ANO6: variants seen among roughly 807,000 people sequenced by gnomAD.
The protein encoded by ANO6 is anoctamin-6.
ANO6 carries 106 observed loss-of-function variants against 117.5 expected under a neutral mutation model. That is an observed-to-expected ratio of 0.90 (90% CI 0.77 to 1.06). The LOEUF (loss-of-function observed/expected upper bound fraction) is 1.06. Ranked by LOEUF, ANO6 falls within the 50% of genes least tolerant of loss-of-function variation. The pLI is 0.00. For missense variants in ANO6, 955 were observed against 1,121.1 expected (o/e 0.85, Z 2.12); for synonymous variants, 367 against 385.1 (o/e 0.95, Z 0.55).
chr12:45,439,674 G>A lies in ANO6; in HGVS notation c.2527-1G>A. On this transcript the variant is annotated splice_acceptor_variant, in intron 19 of 19. Transcript: ENST00000425752. LOFTEE classifies it high-confidence loss of function. ...TTTTTTTTTTTTTTTTTTTGAGACA[G>A]TATCTCGCTTTGTTGCCCAGGCTGG... The A allele has an allele frequency of 1.9e-6, 2 of 1,073,302 alleles. No homozygotes were observed. Among genetic ancestry groups the A allele is most frequent in the Non-Finnish European group, 1.2e-6 (1 of 838,074 alleles). 66.5% of individuals were successfully genotyped at this position (1,073,302 alleles called of 1,614,324 possible). A position where few individuals can be genotyped will look rare whatever the true frequency, so the allele number is the denominator to read the frequency against.
chr12:45,216,451 G>C (rs1352461959), intron 1 of ANO6, 60 bp downstream of exon 1: 12 of 1,573,146 alleles, frequency 7.6e-6, no homozygotes, highest in African/African-American at 1.4e-5. Context: ...GAAGAAGTTC[G>C]GGGACTGCGC....
intron 19 of ANO6, 62 bp from the exon 20 acceptor site, chr12:45,429,043 A>T: frequency 6.3e-7 from 1 of 1,582,878 alleles, no homozygotes; most frequent in Non-Finnish European, 8.6e-7. Context: ...GCAAGAATGA[A>T]AGGAACTCGG....
At chr12:45,317,136 T>TATATATATGTATATATATATA (rs1940070455) in intron 2 of ANO6, among the ~76,000 whole-genome samples, 2 of 108,954 alleles carry the variant, frequency 1.8e-5, no homozygotes, top group Non-Finnish European at 2.1e-5. Flanking sequence ...TATATATTTA[T>TATATATATGTATATATATATA]TATACTTTAA....
chr12:45,407,391 G>A (rs1172659064), intron 15 of ANO6, among the ~76,000 whole-genome samples: 1 of 140,908 alleles, frequency 7.1e-6, no homozygotes, highest in Non-Finnish European at 1.5e-5. Context: ...GCAAAGCAAA[G>A]TATAAACAAA....
chr12:45,216,402 G>C lies in ANO6; in HGVS notation c.70+11G>C. The C allele has an allele frequency of 6.2e-7, 1 of 1,609,396 alleles. No individual in the cohort carries two copies. The highest frequency in any genetic ancestry group is 8.5e-7 in the Non-Finnish European group (1 of 1,178,244). On this transcript the variant is annotated intron_variant, in intron 1 of 19. Transcript: ENST00000320560. ...ACGATGGGGATATCGGTGAGCGAGG[G>C]GTCCCCGCGTCCCCACCCGAGAGCC...
chr12:45,332,090 C>G (rs1009832242), intron 3 of ANO6, among the ~76,000 whole-genome samples: 6 of 152,010 alleles, frequency 3.9e-5, no homozygotes, highest in African/African-American at 1.2e-4. Flanking sequence ...AAAAGGCCAT[C>G]TTTATCTCAG....
chr12:45,396,040 G>A (rs1276800682), intron 12 of ANO6, among the ~76,000 whole-genome samples: 1 of 152,118 alleles, frequency 6.6e-6, no homozygotes, highest in East Asian at 1.9e-4. Flanking sequence ...TAGGAAATGA[G>A]GAAATCAAAT....
chr12:45,318,953 GTA>G, intron 2 of ANO6, among the ~76,000 whole-genome samples: 1 of 152,100 alleles, frequency 6.6e-6, no homozygotes, highest in Admixed American at 6.5e-5. Flanking sequence ...TGTGATTTTT[GTA>G]CATTGATTTT....
chr12:45,420,985 A>T, intron 17 of ANO6, 86 bp from the exon 18 acceptor site: 1 of 1,428,870 alleles, frequency 7.0e-7, no homozygotes. Flanking sequence ...AGATCGTGCC[A>T]TGCAGCCTGG....
At chr12:45,417,096 G>A (rs539202329) in intron 17 of ANO6, among the ~76,000 whole-genome samples, 192 bp downstream of exon 17, 1 of 152,232 alleles carries the variant, frequency 6.6e-6, no homozygotes, top group East Asian at 1.9e-4. Context: ...ATTTTTAACT[G>A]TCAAGACCTC....
At chr12:45,242,548 C>T (rs1947762590) in intron 1 of ANO6, among the ~76,000 whole-genome samples, 1 of 152,236 alleles carries the variant, frequency 6.6e-6, no homozygotes, top group Admixed American at 6.5e-5. Flanking sequence ...CGACGCCCTG[C>T]CCTGCTTTGG....
At chr12:45,368,673 G>A (rs1409772464) in intron 9 of ANO6, among the ~76,000 whole-genome samples, 1 of 152,164 alleles carries the variant, frequency 6.6e-6, no homozygotes, top group Non-Finnish European at 1.5e-5. Context: ...TTACAATCCT[G>A]ACCTACGCTT....
At chr12:45,438,307 CATAT>C in intron 19 of ANO6, among the ~76,000 whole-genome samples, 1 of 151,898 alleles carries the variant, frequency 6.6e-6, no homozygotes, top group Middle Eastern at 3.4e-3. Context: ...TATATACACA[CATAT>C]ATATTTCATT....
chr12:45,388,367 G>T (rs1434865553), intron 11 of ANO6, 64 bp downstream of exon 11: 6 of 1,596,150 alleles, frequency 3.8e-6, no homozygotes, highest in Non-Finnish European at 4.3e-6. Flanking sequence ...CTCCTTGGCC[G>T]CACATTAGAA....
chr12:45,407,987 G>C (rs558767879), intron 15 of ANO6, among the ~76,000 whole-genome samples: 2 of 152,138 alleles, frequency 1.3e-5, no homozygotes, highest in African/African-American at 4.8e-5. Context: ...GGTCAGAGAC[G>C]TCTCCTGTAG....
At chr12:45,340,589 T>G (rs1013427270) in intron 3 of ANO6, among the ~76,000 whole-genome samples, 10 of 152,182 alleles carry the variant, frequency 6.6e-5, no homozygotes, top group African/African-American at 2.4e-4. Context: ...TTTAGGTTCT[T>G]ATGTATAAGG....
chr12:45,335,685 T>C (rs986873358), intron 3 of ANO6: 1 of 152,038 alleles, frequency 6.6e-6, no homozygotes, highest in Admixed American at 6.6e-5. Flanking sequence ...GAAATACTTC[T>C]AGTTCCAAGC....
intron 9 of ANO6, among the ~76,000 whole-genome samples, chr12:45,376,836 A>G (rs1386945458): frequency 2.0e-5 from 3 of 151,956 alleles, no homozygotes; most frequent in Non-Finnish European, 4.4e-5. Context: ...CATGTACCCT[A>G]AAACTTAAAG....
At chr12:45,320,086 T>A (rs1169089267) in intron 2 of ANO6, among the ~76,000 whole-genome samples, 2 of 152,178 alleles carry the variant, frequency 1.3e-5, no homozygotes, top group Non-Finnish European at 2.9e-5. Context: ...ATTCATTGAT[T>A]TTTTTGAAGG....
Sources: allele counts gnomAD v4.1 joint callset (sites outside exome capture counted in the v4.1 genomes callset), GRCh38; gene constraint gnomAD v4.1.1; transcripts MANE v1.5; gene names NCBI Gene and HGNC (gene_info 2026-07-23, HGNC 2026-07-21).